The following NWD2 variants were observed in gnomAD, a reference collection of about 807,000 sequenced individuals.
NWD2 encodes NACHT and WD repeat domain containing 2.
In NWD2, 37 loss-of-function variants were observed where a neutral mutation model predicts 132.7. The ratio of observed to expected loss-of-function variants is 0.28; its 90% CI spans 0.21 to 0.37. The LOEUF is 0.37. NWD2 is among the 10% of genes least tolerant of loss of function. The pLI, the probability that NWD2 is intolerant of heterozygous loss-of-function variation, is 1.00. For synonymous variants in NWD2, 705 were observed against 803.0 expected, an observed-to-expected ratio of 0.88 and a Z score of 2.06; for missense variants, 1,592 against 2,122.4, an observed-to-expected ratio of 0.75 and a Z score of 4.91.
intron 1 of NWD2, among the ~76,000 whole-genome samples, chr4:37,322,216 C>A (rs1719082958): frequency 6.6e-6 from 1 of 152,154 alleles, no homozygotes; most frequent in Non-Finnish European, 1.5e-5. Context: ...AAGCTTTCAA[C>A]TCCCTTTGAG....
At chr4:37,274,880 A>G (rs1717971737) in intron 1 of NWD2, among the ~76,000 whole-genome samples, 1 of 70,742 alleles carries the variant, frequency 1.4e-5, no homozygotes, top group African/African-American at 7.9e-5. Flanking sequence ...AAAATTCAAC[A>G]ACCCTTCATG....
At chr4:37,261,550 T>C (rs1011469724) in intron 1 of NWD2, among the ~76,000 whole-genome samples, 6 of 152,216 alleles carry the variant, frequency 3.9e-5, no homozygotes, top group South Asian at 4.1e-4. Flanking sequence ...AAGTATTTAC[T>C]GAGGGACTTC....
chr4:37,404,113 A>G (rs1397288830), intron 3 of NWD2, among the ~76,000 whole-genome samples: 1 of 152,200 alleles, frequency 6.6e-6, no homozygotes, highest in Non-Finnish European at 1.5e-5. Flanking sequence ...GCTATAGAGA[A>G]TAATGGACAG....
chr4:37,379,696 G>A, intron 3 of NWD2, among the ~76,000 whole-genome samples: 1 of 152,100 alleles, frequency 6.6e-6, no homozygotes. Context: ...GGCTCTCAGG[G>A]AGGTTTTGTT....
intron 1 of NWD2, among the ~76,000 whole-genome samples, chr4:37,319,883 A>G (rs905184121): frequency 6.6e-6 from 1 of 152,156 alleles, no homozygotes; most frequent in Non-Finnish European, 1.5e-5. Context: ...GTAGCCTTAT[A>G]GTATAGTTTG....
chr4:37,291,100 C>G (rs771752555), intron 1 of NWD2, among the ~76,000 whole-genome samples: 1 of 152,030 alleles, frequency 6.6e-6, no homozygotes, highest in Admixed American at 6.6e-5. Context: ...AAAATCAGCC[C>G]GGGACATTCA....
chr4:37,353,102 T>C (rs1180345117), intron 2 of NWD2, among the ~76,000 whole-genome samples: 1 of 152,224 alleles, frequency 6.6e-6, no homozygotes, highest in Non-Finnish European at 1.5e-5. Context: ...TTATTTCTCC[T>C]TTCTTATGAA....
intron 1 of NWD2, among the ~76,000 whole-genome samples, chr4:37,325,539 G>A (rs1047141528): frequency 6.6e-6 from 1 of 152,192 alleles, no homozygotes; most frequent in South Asian, 2.1e-4. Context: ...GTGTGTGTAT[G>A]TATGTGTGTT....
At chr4:37,256,333 G>A (rs1222579202) in intron 1 of NWD2, among the ~76,000 whole-genome samples, 1 of 152,160 alleles carries the variant, frequency 6.6e-6, no homozygotes, top group Non-Finnish European at 1.5e-5. Flanking sequence ...TTTTTCCCAA[G>A]AAATAACTGG....
Position 37,405,397 on chromosome 4 carries a change from C to A in NWD2, c.358-25175C>A, listed in dbSNP as rs567071856. Among the ~76,000 whole-genome samples the A allele has an allele frequency of 1.0e-3, 151 of 151,164 alleles. 1 individual carries two copies. The highest frequency in any genetic ancestry group is 3.5e-3 in the African/African-American group (144 of 41,036). Reference sequence around the variant, plus strand: ...TAAATCATTCTGTCTAGTAGGTTGCCATCAGCAATTTTTTAGTTGAATGTA... The same window carrying A: ...TAAATCATTCTGTCTAGTAGGTTGCAATCAGCAATTTTTTAGTTGAATGTA... On this transcript the variant is annotated intron_variant, in intron 3 of 6. Transcript: ENST00000309447.
In NWD2 at chr4:37,444,262, C is replaced by T; in HGVS notation, c.2274C>T (p.Ile758=). The T allele has an allele frequency of 6.4e-7, 1 of 1,551,722 alleles. No individual in the cohort carries two copies. The highest frequency in any genetic ancestry group is 8.7e-7 in the Non-Finnish European group (1 of 1,147,010). ...DDNDLREMHT[I]LADYFLGVWS... is the part of the protein sequence containing the mutation. Reference sequence around the variant, plus strand: ...ATGACCTGCGTGAAATGCACACCATCTTAGCAGATTATTTTCTGGGGGTTT... The same window carrying T: ...ATGACCTGCGTGAAATGCACACCATTTTAGCAGATTATTTTCTGGGGGTTT... Residue 758 remains isoleucine, a synonymous_variant, in exon 7 of 7, where the codon ATC becomes ATT. Coordinates refer to ENST00000309447, the MANE Select transcript of NWD2 (RefSeq NM_001144990.2). This position sits in a 1 kb window ranked among gnomAD's most constrained non-coding sequence, Gnocchi z 4.8.
intron 3 of NWD2, among the ~76,000 whole-genome samples, chr4:37,372,320 GAA>G (rs1467613725): frequency 2.2e-4 from 34 of 152,222 alleles, no homozygotes; most frequent in African/African-American, 7.9e-4. Context: ...TAATTTATGA[GAA>G]AGTTACTACT....
At chr4:37,367,676 C>A (rs1720129607) in intron 3 of NWD2, among the ~76,000 whole-genome samples, 1 of 152,006 alleles carries the variant, frequency 6.6e-6, no homozygotes, top group African/African-American at 2.4e-5. Context: ...AAATTGAAAC[C>A]CAAAGAAGTG....
Position 37,244,979 on chromosome 4 carries a change from G to T in NWD2, c.-89G>T, listed in dbSNP as rs946993955. ...GCCGCGCCGCCTGCTGAGATCGACC[G>T]CCTGCTGAGCCGTTCCGTGGAGCTG... On this transcript the variant is annotated 5_prime_UTR_variant, in exon 1 of 7. Transcript: ENST00000309447. This position sits in a 1 kb window ranked among gnomAD's most constrained non-coding sequence, Gnocchi z 5.5. The T allele has an allele frequency of 2.1e-5, 31 of 1,502,194 alleles. No homozygotes were observed. Among genetic ancestry groups the T allele is most frequent in the Non-Finnish European group, 2.4e-5 (27 of 1,122,856 alleles). 93.1% of individuals were successfully genotyped at this position (1,502,194 alleles called of 1,614,324 possible). A position where few individuals can be genotyped will look rare whatever the true frequency, so the allele number is the denominator to read the frequency against.
chr4:37,382,345 C>T (rs1343489905), intron 3 of NWD2, among the ~76,000 whole-genome samples: 5 of 152,126 alleles, frequency 3.3e-5, no homozygotes, highest in African/African-American at 1.2e-4. Context: ...TCCAGTGAAC[C>T]TAGATTTATT....
chr4:37,250,375 C>T (rs1717334225), intron 1 of NWD2, among the ~76,000 whole-genome samples: 1 of 152,188 alleles, frequency 6.6e-6, no homozygotes, highest in South Asian at 2.1e-4. Context: ...ATATTTATAG[C>T]TAGACTTGGG....
At chr4:37,442,436 C>A (rs1290318528) in intron 6 of NWD2, among the ~76,000 whole-genome samples, 1 of 152,126 alleles carries the variant, frequency 6.6e-6, no homozygotes, top group Non-Finnish European at 1.5e-5. Context: ...AATGAAAAGT[C>A]AGGTATGACT....
chr4:37,368,540 T>C (rs1027026385), intron 3 of NWD2, among the ~76,000 whole-genome samples: 7 of 152,180 alleles, frequency 4.6e-5, no homozygotes, highest in African/African-American at 9.7e-5. Flanking sequence ...CTAAATATGA[T>C]ACTGTTTGAT....
chr4:37,441,729 C>T (rs1294686494), intron 6 of NWD2, among the ~76,000 whole-genome samples: 1 of 152,186 alleles, frequency 6.6e-6, no homozygotes. Flanking sequence ...TTTTTAGGTC[C>T]TCTGCCTGCG....
Sources: gnomAD v4.1 joint callset for allele counts (sites outside exome capture counted in the v4.1 genomes callset) on GRCh38, gnomAD v4.1.1 for gene constraint, Gnocchi (gnomAD v3.1) non-coding constraint, MANE v1.5 for transcripts, NCBI Gene and HGNC (gene_info 2026-07-23, HGNC 2026-07-21) for gene names.